Variants in DLGAP2 observed in about 807,000 individuals in gnomAD.
The protein encoded by DLGAP2 is DLG associated protein 2, also known as disks large-associated protein 2.
Under a neutral mutation model 100.3 loss-of-function variants are expected in DLGAP2, and 26 were observed. The ratio of observed to expected loss-of-function variants is 0.26; its 90% CI spans 0.19 to 0.36. DLGAP2 has a LOEUF of 0.36. DLGAP2 is among the 10% of genes least tolerant of loss of function. DLGAP2 has a pLI of 1.00. For missense variants in DLGAP2, 1,858 were observed against 1,453.2 expected (o/e 1.28, Z -4.53); for synonymous variants, 886 against 630.1 (o/e 1.41, Z -6.08).
chr8:1,059,480 G>A (rs1003517798), intron 2 of DLGAP2, among the ~76,000 whole-genome samples: 1 of 152,272 alleles, frequency 6.6e-6, no homozygotes, highest in African/African-American at 2.4e-5. Context: ...CTCCAGCCTC[G>A]GGCTGCAAGA....
intron 2 of DLGAP2, among the ~76,000 whole-genome samples, chr8:1,079,275 T>C (rs1803722470): frequency 6.6e-6 from 1 of 152,244 alleles, no homozygotes; most frequent in South Asian, 2.1e-4. Flanking sequence ...TTAAGAGTTA[T>C]TCATATATTT....
chr8:996,383 A>C (rs937956937), intron 2 of DLGAP2, among the ~76,000 whole-genome samples: 5 of 152,180 alleles, frequency 3.3e-5, no homozygotes, highest in African/African-American at 1.2e-4. Context: ...GCGTCTGAGC[A>C]GGGTGTGGAT....
intron 1 of DLGAP2, among the ~76,000 whole-genome samples, chr8:835,252 A>G (rs890000593): frequency 6.6e-6 from 1 of 152,164 alleles, no homozygotes; most frequent in Non-Finnish European, 1.5e-5. Flanking sequence ...ATTTACTTTT[A>G]AATATATGTT....
intron 2 of DLGAP2, among the ~76,000 whole-genome samples, chr8:1,180,746 T>C (rs907007232): frequency 2.6e-5 from 4 of 151,484 alleles, no homozygotes; most frequent in Non-Finnish European, 5.9e-5. Context: ...TGAGTCTGTG[T>C]GGGTGTGCCA....
chr8:1,188,209 C>T (rs552750577), intron 2 of DLGAP2, among the ~76,000 whole-genome samples: 19 of 139,490 alleles, frequency 1.4e-4, no homozygotes, highest in Non-Finnish European at 1.8e-4. Context: ...GTTTCCCTCA[C>T]GGAATCTCAC....
At chr8:1,182,024 G>A (rs1178924569) in intron 2 of DLGAP2, among the ~76,000 whole-genome samples, 1 of 152,236 alleles carries the variant, frequency 6.6e-6, no homozygotes, top group East Asian at 1.9e-4. Flanking sequence ...GCTGACGTGG[G>A]AGGTTGCAGC....
intron 3 of DLGAP2, among the ~76,000 whole-genome samples, chr8:1,497,495 C>T (rs769131529): frequency 4.6e-5 from 7 of 152,190 alleles, no homozygotes; most frequent in African/African-American, 1.7e-4. Flanking sequence ...ACTGGTGGAG[C>T]AAATGGTTCT....
intron 2 of DLGAP2, among the ~76,000 whole-genome samples, chr8:1,162,069 A>T (rs1269510018): frequency 1.3e-5 from 2 of 152,198 alleles, no homozygotes; most frequent in Admixed American, 6.5e-5. Context: ...TTGCAGCAGA[A>T]GTTCCAGCTG....
At chr8:1,447,188 T>C (rs906269216) in intron 3 of DLGAP2, among the ~76,000 whole-genome samples, 12 of 152,238 alleles carry the variant, frequency 7.9e-5, no homozygotes, top group Non-Finnish European at 1.0e-4. Context: ...AAAGAGAATG[T>C]TTCCAGTTTT....
intron 2 of DLGAP2, among the ~76,000 whole-genome samples, chr8:975,859 A>C (rs560008874): frequency 6.6e-6 from 1 of 152,234 alleles, no homozygotes; most frequent in Admixed American, 6.5e-5. Flanking sequence ...AGCAAATGCA[A>C]TGAGACAGGA....
At chr8:1,556,273 C>A (rs1027922834) in intron 5 of DLGAP2, among the ~76,000 whole-genome samples, 1 of 152,358 alleles carries the variant, frequency 6.6e-6, no homozygotes, top group Middle Eastern at 3.4e-3. Context: ...CTGTCCTCTC[C>A]CTCCCAGGGC....
chr8:904,977 G>A (rs968658555), intron 1 of DLGAP2, among the ~76,000 whole-genome samples: 1 of 152,208 alleles, frequency 6.6e-6, no homozygotes, highest in Non-Finnish European at 1.5e-5. Flanking sequence ...CAAGCGACGT[G>A]TGCTCAGCCT....
At chr8:1,610,237 C>T (rs573400450) in intron 6 of DLGAP2, among the ~76,000 whole-genome samples, 84 of 152,338 alleles carry the variant, frequency 5.5e-4, no homozygotes, top group Non-Finnish European at 9.8e-4. Flanking sequence ...AAGAATCTCA[C>T]TCAAAACTGC....
intron 1 of DLGAP2, among the ~76,000 whole-genome samples, chr8:865,520 G>C (rs1797477933): frequency 6.6e-6 from 1 of 152,152 alleles, no homozygotes; most frequent in African/African-American, 2.4e-5. Flanking sequence ...TTTACTTTGT[G>C]AGCCATTGTG....
At chr8:1,102,328 A>C (rs190674495) in intron 2 of DLGAP2, among the ~76,000 whole-genome samples, 1 of 147,618 alleles carries the variant, frequency 6.8e-6, no homozygotes, top group East Asian at 1.9e-4. Flanking sequence ...AATATATATA[A>C]ATTACATATA....
chr8:1,377,174 C>A (rs1162856618), intron 3 of DLGAP2, among the ~76,000 whole-genome samples: 1 of 152,238 alleles, frequency 6.6e-6, no homozygotes, highest in East Asian at 1.9e-4. Context: ...TACCTGGCCC[C>A]TCCAGGTCAG....
intron 2 of DLGAP2, among the ~76,000 whole-genome samples, chr8:1,144,694 A>C (rs1003413761): frequency 3.3e-5 from 5 of 152,232 alleles, no homozygotes; most frequent in African/African-American, 1.2e-4. Context: ...CCCTGTCTGC[A>C]GTTTTACTTT....
intron 6 of DLGAP2, among the ~76,000 whole-genome samples, chr8:1,575,592 A>T (rs1247435021): frequency 2.7e-5 from 4 of 146,188 alleles, no homozygotes; most frequent in African/African-American, 1.0e-4. Flanking sequence ...TACATTAGAT[A>T]TATCTCCTAA....
rs536540376 is a variant in DLGAP2 at position 1,506,527 on chromosome 8, A to C, written c.172+5096A>C. Among the ~76,000 whole-genome samples, 47 of 152,308 alleles carry C rather than the reference A, an allele frequency of 3.1e-4. 1 individual carries two copies. The highest frequency in any genetic ancestry group is 3.1e-3 in the Admixed American group (47 of 15,304). On this transcript the variant is annotated intron_variant, in intron 4 of 14. Transcript: ENST00000637795. Reference sequence around the variant, plus strand: ...GTTGCAGCTCATAAAAGGAGTGCGGACCCAAAGAGTGAGCAACAGCAAGAT... The same window carrying C: ...GTTGCAGCTCATAAAAGGAGTGCGGCCCCAAAGAGTGAGCAACAGCAAGAT...
Sources: gnomAD v4.1 joint callset for allele counts (sites outside exome capture counted in the v4.1 genomes callset) on GRCh38, gnomAD v4.1.1 for gene constraint, MANE v1.5 for transcripts, NCBI Gene and HGNC (gene_info 2026-07-23, HGNC 2026-07-21) for gene names.